The following CPEB3 variants were observed in gnomAD, a reference collection of about 807,000 sequenced individuals.
CPEB3 encodes the protein cytoplasmic polyadenylation element binding protein 3, also known as cytoplasmic polyadenylation element-binding protein 3.
A neutral mutation model predicts 67.2 loss-of-function variants in CPEB3; 20 were observed. That is an observed-to-expected ratio of 0.30 (90% confidence interval 0.21 to 0.43). The LOEUF (loss-of-function observed/expected upper bound fraction) is 0.43. CPEB3 is among the 20% of genes least tolerant of loss of function. The probability of loss-of-function intolerance (pLI) is 1.00; values close to 1 mark genes in which losing one functional copy is unlikely to be tolerated. For synonymous variants in CPEB3, 376 were observed against 393.1 expected (o/e 0.96, Z 0.51); for missense variants, 746 against 968.6 (o/e 0.77, Z 3.05).
chr10:92,095,600 A>ATTTT (rs11404019), intron 7 of CPEB3, among the ~76,000 whole-genome samples: 51 of 123,094 alleles, frequency 4.1e-4, no homozygotes, highest in Admixed American at 6.6e-4. Flanking sequence ...ATATATATAT[A>ATTTT]TTTTTTTTTT....
chr10:92,251,306 T>C (rs532154089), intron 1 of CPEB3, among the ~76,000 whole-genome samples: 6 of 152,256 alleles, frequency 3.9e-5, no homozygotes, highest in African/African-American at 1.4e-4. Flanking sequence ...TGTACCTTCT[T>C]CCCTTTTCCT....
chr10:92,177,122 C>T lies in CPEB3; in HGVS notation c.1222+3841G>A, dbSNP rs11812950. Among the ~76,000 whole-genome samples the T allele has an allele frequency of 3.4e-3, 519 of 152,266 alleles. 6 individuals carry two copies. Among genetic ancestry groups the T allele is most frequent in the African/African-American group, 0.012 (490 of 41,552 alleles). Reference sequence around the variant, plus strand: ...AGCTACTATTAGTATTAGAAAAATACGGATGGTAGAACTACTACCACATAT... The same window carrying T: ...AGCTACTATTAGTATTAGAAAAATATGGATGGTAGAACTACTACCACATAT... On this transcript the variant is annotated intron_variant, in intron 4 of 9. Coordinates refer to ENST00000265997, the MANE Select transcript of CPEB3 (RefSeq NM_014912.5).
At chr10:92,091,392 C>G (rs1221717744) in intron 8 of CPEB3, among the ~76,000 whole-genome samples, 1 of 151,902 alleles carries the variant, frequency 6.6e-6, no homozygotes, top group East Asian at 1.9e-4. Flanking sequence ...AACAACACTT[C>G]AAACTCTCCA....
At chr10:92,111,861 C>T (rs557210665) in intron 6 of CPEB3, among the ~76,000 whole-genome samples, 16 of 152,106 alleles carry the variant, frequency 1.1e-4, no homozygotes, top group Non-Finnish European at 2.1e-4. Context: ...CACACACACA[C>T]AAAAAGCTTC....
Position 92,144,864 on chromosome 10 carries a change from T to G in CPEB3, c.1363+81A>C, listed in dbSNP as rs1846604176. The G allele has an allele frequency of 6.2e-6, 8 of 1,293,682 alleles. No individual in the cohort carries two copies. The South Asian group carries it at 1.0e-4, about 16-fold the overall frequency. 80.1% of individuals were successfully genotyped at this position (1,293,682 alleles called of 1,614,324 possible). The stretch of plus-strand genomic sequence containing the variant: ...CACTAAGATATAGATGTCCTAAAGT[T>G]GACTTGGAGAGGAGAGGCAGGGTCA... On this transcript the variant is annotated intron_variant, in intron 5 of 9. Coordinates refer to ENST00000265997, the MANE Select transcript of CPEB3 (RefSeq NM_014912.5).
chr10:92,219,677 G>C (rs563047519), intron 2 of CPEB3, among the ~76,000 whole-genome samples: 4 of 152,178 alleles, frequency 2.6e-5, no homozygotes, highest in African/African-American at 9.6e-5. Context: ...CCTTAAAATA[G>C]CTACTCTGGA....
intron 4 of CPEB3, among the ~76,000 whole-genome samples, chr10:92,170,892 A>G (rs1006741167): frequency 6.6e-6 from 1 of 152,176 alleles, no homozygotes; most frequent in African/African-American, 2.4e-5. Context: ...TATGCCAAAA[A>G]TCTCATGAGA....
intron 1 of CPEB3, among the ~76,000 whole-genome samples, chr10:92,289,732 A>AAAATAT: frequency 4.5e-4 from 34 of 75,758 alleles, no homozygotes; most frequent in Non-Finnish European, 6.7e-4. Context: ...AAAAAAAAAA[A>AAAATAT]ATATATATAT....
chr10:92,050,484 T>TA lies in CPEB3; in HGVS notation c.*1727dup, dbSNP rs999242547. On this transcript the variant is annotated 3_prime_UTR_variant, in exon 10 of 10. Transcript: ENST00000265997. ...GAATTCCAAAACATAGGAAGAAGAT[T>TA]AAAAAAAGATTTACATAGTCTTGCA... The TA allele has an allele frequency of 2.0e-5, 3 of 152,528 alleles. No individual in the cohort carries two copies. The highest frequency in any genetic ancestry group is 4.4e-5 in the Non-Finnish European group (3 of 68,010). The allele number at this position is 152,528 out of a possible 1,614,324, so 9.4% of individuals were successfully genotyped here.
chr10:92,055,095 T>C (rs1302346856), intron 9 of CPEB3, among the ~76,000 whole-genome samples: 1 of 152,232 alleles, frequency 6.6e-6, no homozygotes, highest in Admixed American at 6.5e-5. Flanking sequence ...AGTGGAATGA[T>C]GGATACAAAT....
intron 3 of CPEB3, among the ~76,000 whole-genome samples, chr10:92,187,936 C>T (rs1848769241): frequency 6.6e-6 from 1 of 152,160 alleles, no homozygotes; most frequent in Non-Finnish European, 1.5e-5. Flanking sequence ...TGGCTCATGC[C>T]TATAATCTTA....
At position 92,230,499 on chromosome 10, in the gene CPEB3, T is replaced by TA. The variant is rs1188748628; in HGVS notation, c.1005+8846dup. Reference sequence around the variant, plus strand: ...ATATTTATTATTTCTGAGAATTATATAATAGTGCTTCTTAGGAGAGAAAAG... The same window carrying TA: ...ATATTTATTATTTCTGAGAATTATATAAATAGTGCTTCTTAGGAGAGAAAAG... On this transcript the variant is annotated intron_variant, in intron 2 of 9. Transcript: ENST00000265997. 1.2e-4 allele frequency among the ~76,000 whole-genome samples: 18 copies of TA among 152,314 alleles called. No individual in the cohort carries two copies. In the East Asian group the frequency reaches 3.3e-3, roughly 28 times the overall value.
intron 7 of CPEB3, among the ~76,000 whole-genome samples, chr10:92,097,154 C>T (rs1843918256): frequency 6.7e-6 from 1 of 150,228 alleles, no homozygotes; most frequent in African/African-American, 2.4e-5. Context: ...AAGTAGTTAC[C>T]ACTTGCCTAA....
At chr10:92,213,156 C>A (rs556874210) in intron 2 of CPEB3, among the ~76,000 whole-genome samples, 1 of 152,088 alleles carries the variant, frequency 6.6e-6, no homozygotes, top group Admixed American at 6.6e-5. Context: ...TTATGAGTAA[C>A]CCCAGGCCCC....
At chr10:92,187,512 G>A (rs1200463465) in intron 3 of CPEB3, among the ~76,000 whole-genome samples, 1 of 152,188 alleles carries the variant, frequency 6.6e-6, no homozygotes. Flanking sequence ...CAAGATGCCT[G>A]CTATACTGGG....
chr10:92,111,326 G>C, intron 6 of CPEB3, 132 bp from the exon 7 acceptor site: 1 of 696,420 alleles, frequency 1.4e-6, no homozygotes, highest in South Asian at 1.7e-5. Flanking sequence ...TGGGACAAAG[G>C]GACTTTGTCC....
At chr10:92,251,309 C>G (rs144363370) in intron 1 of CPEB3, among the ~76,000 whole-genome samples, 6 of 152,126 alleles carry the variant, frequency 3.9e-5, no homozygotes, top group African/African-American at 7.2e-5. Flanking sequence ...ACCTTCTTCC[C>G]TTTTCCTCCT....
In CPEB3 at chr10:92,280,748, C is replaced by T. The variant is rs369470703; in HGVS notation, c.-12+10178G>A. Among the ~76,000 whole-genome samples the T allele has an allele frequency of 2.9e-4, 39 of 134,770 alleles. 1 individual carries two copies. Among genetic ancestry groups the T allele is most frequent in the African/African-American group, 1.2e-3 (39 of 33,656 alleles). 88.4% of individuals were successfully genotyped at this position (134,770 alleles called of 152,430 possible). On this transcript the variant is annotated intron_variant, in intron 1 of 9. Transcript: ENST00000265997. ...ATACAGGCTAATAGACGGTGAGCAT[C>T]TATTCTTTTTTTTTTTTTTTTTTTT...
Position 92,240,189 on chromosome 10 carries a change from C to G in CPEB3, c.162G>C (p.Pro54=), listed in dbSNP as rs199891923. ...GGGGGGCAGCGGCTGGGCTGAGGGC[C>G]GGCACTGCGCTGTTTTCCTCCGGCT... ...TPKPEENSAV[P]ALSPAAAPPA... is the part of the protein sequence containing the mutation. Residue 54 remains proline, a synonymous_variant, in exon 2 of 10, where the codon CCG becomes CCC. Coordinates refer to ENST00000265997, the MANE Select transcript of CPEB3 (RefSeq NM_014912.5). 1.3e-6 allele frequency: 2 copies of G among 1,522,708 alleles called. No individual in the cohort carries two copies. Among genetic ancestry groups the G allele is most frequent in the South Asian group, 1.3e-5 (1 of 78,766 alleles). The allele number at this position is 1,522,708 out of a possible 1,614,324, so 94.3% of individuals were successfully genotyped here. A position where few individuals can be genotyped will look rare whatever the true frequency, so the allele number is the denominator to read the frequency against.
Sources: allele counts gnomAD v4.1 joint callset (sites outside exome capture counted in the v4.1 genomes callset), GRCh38; gene constraint gnomAD v4.1.1; transcripts MANE v1.5; gene names NCBI Gene and HGNC (gene_info 2026-07-23, HGNC 2026-07-21).